The following PDE1C variants were observed in gnomAD, a reference collection of about 807,000 sequenced individuals.
PDE1C encodes dual specificity calcium/calmodulin-dependent 3',5'-cyclic nucleotide phosphodiesterase 1C.
Under a neutral mutation model 93.1 loss-of-function variants are expected in PDE1C, and 62 were observed. The observed-to-expected ratio is 0.67, with a 90% CI of 0.54 to 0.82. PDE1C has a LOEUF of 0.82. Among genes scored for constraint, PDE1C ranks in the 40% least tolerant of loss-of-function variants. The probability of loss-of-function intolerance (pLI) is 0.00; values close to 1 mark genes in which losing one functional copy is unlikely to be tolerated. For synonymous variants in PDE1C, 325 were observed against 310.1 expected (o/e 1.05, Z -0.50); for missense variants, 742 against 884.6 (o/e 0.84, Z 2.04).
intron 2 of PDE1C, among the ~76,000 whole-genome samples, chr7:32,030,084 C>CAT (rs1222716456): frequency 7.9e-6 from 1 of 126,300 alleles, no homozygotes; most frequent in African/African-American, 4.1e-5. Flanking sequence ...TTATAACACA[C>CAT]ACACACACAC....
intron 2 of PDE1C, among the ~76,000 whole-genome samples, chr7:32,180,475 C>T (rs985125258): frequency 6.6e-6 from 1 of 152,078 alleles, no homozygotes; most frequent in Non-Finnish European, 1.5e-5. Context: ...ATGAGGGATT[C>T]ACGGAAGGAC....
chr7:32,014,167 T>C (rs371115246), intron 2 of PDE1C, among the ~76,000 whole-genome samples: 10 of 152,272 alleles, frequency 6.6e-5, no homozygotes, highest in Non-Finnish European at 1.3e-4. Context: ...ACTGCAATAA[T>C]TGGTAAACAG....
chr7:32,301,358 CGTAA>C (rs57449159), upstream of PDE1C, among the ~76,000 whole-genome samples: 3,573 of 152,188 alleles, frequency 0.023, 92 homozygotes, highest in African/African-American at 0.062. Flanking sequence ...TTTTTCCTTG[CGTAA>C]GTGAGTGAAA....
chr7:31,983,254 T>C lies in PDE1C; in HGVS notation c.128+68300A>G, dbSNP rs568473778. Among the ~76,000 whole-genome samples, 445 of 152,240 alleles carry C rather than the reference T, an allele frequency of 2.9e-3. 1 individual carries two copies. The highest frequency in any genetic ancestry group is 0.011 in the South Asian group (52 of 4,824). ...CAATGAAGTTCTAATGCCTACACACTCCTTAGTGAACTCAAATTTCCTAAG... is the reference window on the plus strand; with the variant it reads ...CAATGAAGTTCTAATGCCTACACACCCCTTAGTGAACTCAAATTTCCTAAG... On this transcript the variant is annotated intron_variant, in intron 2 of 17. Coordinates refer to ENST00000396191, the MANE Select transcript of PDE1C (RefSeq NM_001191057.4).
At chr7:31,619,789 T>C in the PDE1C span, among the ~76,000 whole-genome samples, 20,866 of 152,122 alleles carry the variant, frequency 0.14, 1,669 homozygotes, top group African/African-American at 0.2. Context: ...ATGCACAAGC[T>C]GAAGCAGCGC....
chr7:32,019,867 T>C (rs117950258), intron 2 of PDE1C, among the ~76,000 whole-genome samples: 2,266 of 152,222 alleles, frequency 0.015, 26 homozygotes, highest in Non-Finnish European at 0.024. Context: ...TTTAAATACA[T>C]TCCATTTGGA....
At chr7:31,755,871 A>G (rs1677961195) in intron 17 of PDE1C, among the ~76,000 whole-genome samples, 2 of 152,186 alleles carry the variant, frequency 1.3e-5, no homozygotes, top group South Asian at 4.1e-4. Context: ...AGTACAGACT[A>G]AAATATGAGA....
chr7:32,375,433 G>A (rs1241417833), intron 1 of PDE1C, among the ~76,000 whole-genome samples: 1 of 152,176 alleles, frequency 6.6e-6, no homozygotes, highest in African/African-American at 2.4e-5. Context: ...TCAACCAGGG[G>A]CAATTTGTAC....
intron 2 of PDE1C, among the ~76,000 whole-genome samples, chr7:31,929,734 C>T (rs190985453): frequency 6.6e-6 from 1 of 152,190 alleles, no homozygotes; most frequent in Non-Finnish European, 1.5e-5. Flanking sequence ...TCTTTGAAAC[C>T]AATGAGAACC....
At chr7:31,658,224 A>G in the PDE1C span, 3 of 1,453,702 alleles carry the variant, frequency 2.1e-6, no homozygotes, top group South Asian at 4.2e-5. Flanking sequence ...ACTTCCCAGA[A>G]AAATGTTGCA....
chr7:32,110,568 A>G (rs1798583545), intron 3 of PDE1C, among the ~76,000 whole-genome samples: 1 of 152,164 alleles, frequency 6.6e-6, no homozygotes, highest in Non-Finnish European at 1.5e-5. Flanking sequence ...ATCATCCCTC[A>G]AGATGGTACT....
At position 32,035,977 on chromosome 7, in the gene PDE1C, G is replaced by A. The variant is rs573485217; in HGVS notation, c.128+15577C>T. Among the ~76,000 whole-genome samples the A allele has an allele frequency of 2.8e-4, 43 of 152,278 alleles. No homozygotes were observed. The South Asian group carries it at 8.5e-3, about 30-fold the overall frequency. On this transcript the variant is annotated intron_variant, in intron 2 of 17. Coordinates refer to ENST00000396191, the MANE Select transcript of PDE1C (RefSeq NM_001191057.4). The stretch of plus-strand genomic sequence containing the variant: ...GATAATGAACAAGAAGGACAGCCTG[G>A]CCTGTGAAGGAAACACCAGAGTGGG...
At chr7:31,925,449 G>A (rs1803249942) in intron 2 of PDE1C, among the ~76,000 whole-genome samples, 1 of 137,756 alleles carries the variant, frequency 7.3e-6, no homozygotes, top group Non-Finnish European at 1.5e-5. Context: ...GAAGGAAATT[G>A]ATACAGGATG....
At chr7:31,682,957 G>C in the PDE1C span, among the ~76,000 whole-genome samples, 2 of 152,146 alleles carry the variant, frequency 1.3e-5, no homozygotes, top group Non-Finnish European at 2.9e-5. Context: ...GGACAGATTA[G>C]TGGTTGTCAG....
chr7:32,254,594 A>C (rs1809647256), intron 1 of PDE1C, among the ~76,000 whole-genome samples: 1 of 152,224 alleles, frequency 6.6e-6, no homozygotes, highest in Non-Finnish European at 1.5e-5. Flanking sequence ...AAGAGATTAT[A>C]ACATTTTCTC....
intron 3 of PDE1C, among the ~76,000 whole-genome samples, chr7:32,099,480 G>A (rs936262366): frequency 3.9e-5 from 6 of 152,134 alleles, no homozygotes; most frequent in African/African-American, 9.7e-5. Context: ...AGATATTCCA[G>A]GTCCTTTTCA....
At chr7:32,221,533 G>A (rs571346109) in intron 1 of PDE1C, among the ~76,000 whole-genome samples, 4 of 152,280 alleles carry the variant, frequency 2.6e-5, no homozygotes, top group East Asian at 3.9e-4. Flanking sequence ...ACCAGGACCT[G>A]AGAGTCTGCA....
intron 1 of PDE1C, among the ~76,000 whole-genome samples, chr7:32,362,687 C>A (rs191149682): frequency 9.5e-4 from 145 of 152,308 alleles, no homozygotes; most frequent in Middle Eastern, 3.4e-3. Flanking sequence ...TACACACCCT[C>A]CTCTCCTGCC....
At position 32,026,497 on chromosome 7, in the gene PDE1C, C is replaced by T. The variant is rs146608547; in HGVS notation, c.128+25057G>A. ...CTTCACCATTGCACACCTATTACAA[C>T]GGCCAAAATACAAAACCCTGGCAAC... On this transcript the variant is annotated intron_variant, in intron 2 of 17. Transcript: ENST00000396191. Among the ~76,000 whole-genome samples, 227 of 152,216 alleles carry T rather than the reference C, an allele frequency of 1.5e-3. 4 individuals are homozygous for T. The highest frequency in any genetic ancestry group is 4.8e-3 in the African/African-American group (198 of 41,540).
Sources: allele counts gnomAD v4.1 joint callset (sites outside exome capture counted in the v4.1 genomes callset), GRCh38; gene constraint gnomAD v4.1.1; transcripts MANE v1.5; gene names NCBI Gene and HGNC (gene_info 2026-07-23, HGNC 2026-07-21).